Variants in NLE1 observed in about 807,000 individuals in gnomAD.
NLE1 encodes notchless homolog 1, also known as notchless protein homolog 1.
In NLE1, 37 loss-of-function variants were observed where a neutral mutation model predicts 62.8. The observed-to-expected ratio is 0.59, with a 90% CI of 0.45 to 0.78. The LOEUF (loss-of-function observed/expected upper bound fraction) is 0.78, where lower values mean the gene tolerates loss of function less well. Ranked by LOEUF, NLE1 falls within the 30% of genes least tolerant of loss-of-function variation. NLE1 has a pLI of 0.00. For synonymous variants in NLE1, 243 were observed against 253.0 expected (o/e 0.96, Z 0.37); for missense variants, 555 against 637.9 (o/e 0.87, Z 1.40).
Position 35,130,669 on chromosome 17 carries a change from CCCT to C in NLE1, c.*1765_*1767del. 1.9e-6 allele frequency: 1 copy of C among 524,200 alleles called. No homozygotes were observed. Among genetic ancestry groups the C allele is most frequent in the Non-Finnish European group, 3.4e-6 (1 of 294,196 alleles). 32.5% of individuals were successfully genotyped at this position (524,200 alleles called of 1,614,324 possible). A position where few individuals can be genotyped will look rare whatever the true frequency, so the allele number is the denominator to read the frequency against. On this transcript the variant is annotated 3_prime_UTR_variant, in exon 13 of 13. Transcript: ENST00000442241. Reference sequence around the variant, plus strand: ...AGCCACTGCCCACAGCTGCTAGACTCCCTCCTCCTCCAAATCTGGGCTGGGTCT... The same window carrying C: ...AGCCACTGCCCACAGCTGCTAGACTCCCTCCTCCAAATCTGGGCTGGGTCT...
chr17:35,132,573 G>C, intron 12 of NLE1, 124 bp from the exon 13 acceptor site: 3 of 848,924 alleles, frequency 3.5e-6, no homozygotes, highest in Non-Finnish European at 3.3e-6. Context: ...AGAGCCAGGT[G>C]ACCGTCCCTG....
chr17:35,136,119 G>T, intron 9 of NLE1, 50 bp downstream of exon 9: 1 of 1,596,872 alleles, frequency 6.3e-7, no homozygotes, highest in Non-Finnish European at 8.6e-7. Context: ...TTAGTGATTG[G>T]CTAAGGACTG....
At chr17:35,135,481 G>A (rs1378763007) in intron 9 of NLE1, 30 bp from the exon 10 acceptor site, 2 of 1,606,872 alleles carry the variant, frequency 1.2e-6, no homozygotes, top group Admixed American at 1.7e-5. Flanking sequence ...CACTGTGTTG[G>A]GTGTGGTCTC....
chr17:35,133,249 G>C lies in NLE1; in HGVS notation c.1375-8C>G, dbSNP rs2091887971. The C allele has an allele frequency of 6.2e-7, 1 of 1,614,070 alleles. No homozygotes were observed. Among genetic ancestry groups the C allele is most frequent in the African/African-American group, 1.3e-5 (1 of 74,914 alleles). ...CCAGTCAACAGCATATACCTAAAGG[G>C]AGGCAGAGGAAGGCAGGTGGGGTGG... On this transcript the variant is annotated splice_polypyrimidine_tract_variant and splice_region_variant and intron_variant, in intron 11 of 12. Transcript: ENST00000442241.
intron 5 of NLE1, 30 bp downstream of exon 5, chr17:35,137,784 C>T (rs751215582): frequency 6.8e-7 from 1 of 1,465,948 alleles, no homozygotes; most frequent in Non-Finnish European, 9.3e-7. Flanking sequence ...CCCCTTGAGT[C>T]TCTGCCTAGT....
chr17:35,142,233 C>G, intron 1 of NLE1, 25 bp downstream of exon 1: 1 of 1,553,946 alleles, frequency 6.4e-7, no homozygotes, highest in Non-Finnish European at 8.7e-7. Flanking sequence ...GGCGACGCCC[C>G]CCGCCCCCAT....
intron 10 of NLE1, chr17:35,134,905 A>T (rs2091899220): frequency 2.6e-6 from 1 of 384,882 alleles, no homozygotes; most frequent in Non-Finnish European, 5.1e-6. Context: ...TACAAAAATT[A>T]GCCAGGCACG....
chr17:35,133,024 T>G (rs1427372546), intron 12 of NLE1, 147 bp downstream of exon 12: 2 of 777,780 alleles, frequency 2.6e-6, no homozygotes, highest in Non-Finnish European at 4.3e-6. Flanking sequence ...ACTTGCCCAC[T>G]GAGAATCTGG....
chr17:35,136,744 G>A (rs922210534), intron 7 of NLE1, among the ~76,000 whole-genome samples: 14 of 152,162 alleles, frequency 9.2e-5, no homozygotes, highest in Non-Finnish European at 2.9e-5. Context: ...TTTGGGATAT[G>A]GTAGATCTGA....
chr17:35,135,552 G>A, intron 9 of NLE1, 101 bp from the exon 10 acceptor site: 1 of 1,049,598 alleles, frequency 9.5e-7, no homozygotes, highest in East Asian at 2.6e-5. Context: ...CTCAATGCCA[G>A]GGACAGAGAG....
At chr17:35,134,056 T>TC (rs1002667344) in intron 10 of NLE1, among the ~76,000 whole-genome samples, 21 of 152,228 alleles carry the variant, frequency 1.4e-4, no homozygotes, top group African/African-American at 4.8e-4. Context: ...GCTCTTTTTC[T>TC]CCCCCTTGCC....
rs1485896343 is a variant in NLE1 at position 35,142,026 on chromosome 17, T to A, written c.115A>T (p.Ile39Phe). ...ACGAGCTGCAGCCTGTCCGGGGTGA[T>A]GTCCACGGGCACGTCGAACGGGGAA... ...LGSPFDVPVD[I>F]TPDRLQLVCN... The change falls in exon 2 of 13, where the codon ATC becomes TTC. Residue 39 changes from isoleucine (I) to phenylalanine (F), a missense_variant. Coordinates refer to ENST00000442241, the MANE Select transcript of NLE1 (RefSeq NM_018096.5). 1.2e-6 allele frequency: 2 copies of A among 1,609,270 alleles called. No homozygotes were observed. Among genetic ancestry groups the A allele is most frequent in the Admixed American group, 3.4e-5 (2 of 59,468 alleles).
At chr17:35,139,788 C>G (rs1158432131) in intron 3 of NLE1, 61 bp downstream of exon 3, 1 of 1,582,262 alleles carries the variant, frequency 6.3e-7, no homozygotes, top group East Asian at 2.2e-5. Context: ...GAGACCCTCC[C>G]CAAACCAGGC....
chr17:35,130,050 G>C lies in NLE1; in HGVS notation c.*2387C>G. ...GCCTGGGTATGGGGTAGGGGTATGG[G>C]GGTATAGAGGCCTGAGTACAGACAG... On this transcript the variant is annotated 3_prime_UTR_variant, in exon 13 of 13. Transcript: ENST00000442241. 7.1e-7 allele frequency: 1 copy of C among 1,408,296 alleles called. No individual in the cohort carries two copies. Among genetic ancestry groups the C allele is most frequent in the Non-Finnish European group, 9.2e-7 (1 of 1,085,366 alleles). 87.2% of individuals were successfully genotyped at this position (1,408,296 alleles called of 1,614,324 possible).
chr17:35,134,838 G>C (rs571396725), intron 10 of NLE1: 82 of 354,930 alleles, frequency 2.3e-4, no homozygotes, highest in African/African-American at 1.7e-3. Flanking sequence ...GATCACTTGA[G>C]CTCAGGAGTT....
rs771292661 is a variant in NLE1, at chr17:35,135,293, G to A, written c.1170C>T (p.Ala390=). The part of the protein sequence containing the change: ...FSPDSRIVAS[A]SFDKSIKLWD... ...ACAGCTTGATGGACTTGTCAAAGGAGGCACTAGCCACGATGCGGGAGTCAG... is the reference window on the plus strand; with the variant it reads ...ACAGCTTGATGGACTTGTCAAAGGAAGCACTAGCCACGATGCGGGAGTCAG... The change falls in exon 10 of 13, where the codon GCC becomes GCT. Residue 390 remains alanine (A), a synonymous_variant. Transcript: ENST00000442241. 1.9e-6 allele frequency: 3 copies of A among 1,614,184 alleles called. No individual in the cohort carries two copies. In the Admixed American group the frequency reaches 5.0e-5, roughly 27 times the overall value.
Position 35,129,454 on chromosome 17 carries a change from G to T in NLE1, c.*2983C>A, listed in dbSNP as rs199964483. 1 of 1,614,070 alleles carries T rather than the reference G, an allele frequency of 6.2e-7. No homozygotes were observed. The highest frequency in any genetic ancestry group is 8.5e-7 in the Non-Finnish European group (1 of 1,179,960). On this transcript the variant is annotated 3_prime_UTR_variant, in exon 13 of 13. Coordinates refer to ENST00000442241, the MANE Select transcript of NLE1 (RefSeq NM_018096.5). ...GGACCTACGCCTTGGGCAAGCAGCC[G>T]GTCAGTTTCTACCAGCTCCTGTTAC... is the stretch of plus-strand genomic sequence containing the variant.
chr17:35,133,362 C>T lies in NLE1; in HGVS notation c.1351G>A (p.Asp451Asn), dbSNP rs777651397. 1.9e-6 allele frequency: 3 copies of T among 1,614,184 alleles called. No individual in the cohort carries two copies. Among genetic ancestry groups the T allele is most frequent in the Middle Eastern group, 1.7e-4 (1 of 6,060 alleles). Reference sequence around the variant, plus strand: ...ACCTCATCCGCGTGGCCGGGCAGGTCCATGGCCAGCTTCTGGGCCTTCACA... The same window carrying T: ...ACCTCATCCGCGTGGCCGGGCAGGTTCATGGCCAGCTTCTGGGCCTTCACA... ...WDVKAQKLAMDLPGHADEVYA... is the reference protein window; with the variant it reads ...WDVKAQKLAMNLPGHADEVYA... The change falls in exon 11 of 13, where the codon GAC becomes AAC. Residue 451 changes from aspartate to asparagine, a missense_variant. Coordinates refer to ENST00000442241, the MANE Select transcript of NLE1 (RefSeq NM_018096.5).
intron 2 of NLE1, among the ~76,000 whole-genome samples, chr17:35,141,425 A>G (rs934130795): frequency 1.9e-4 from 29 of 152,066 alleles, no homozygotes; most frequent in Non-Finnish European, 4.4e-5. Context: ...GCGCGCCTGT[A>G]GTCCCAGCTA....
Sources: gnomAD v4.1 joint callset for allele counts (sites outside exome capture counted in the v4.1 genomes callset) on GRCh38, gnomAD v4.1.1 for gene constraint, MANE v1.5 for transcripts, NCBI Gene and HGNC (gene_info 2026-07-23, HGNC 2026-07-21) for gene names.